Variants in CCDC30 observed in about 807,000 individuals in gnomAD.
CCDC30 encodes coiled-coil domain containing 30.
A neutral mutation model predicts 100.2 loss-of-function variants in CCDC30; 70 were observed. The ratio of observed to expected loss-of-function variants is 0.70; its 90% CI spans 0.58 to 0.85. The LOEUF (loss-of-function observed/expected upper bound fraction) is 0.85, where lower values mean the gene tolerates loss of function less well. Among genes scored for constraint, CCDC30 ranks in the 40% least tolerant of loss-of-function variants. The pLI, the probability that CCDC30 is intolerant of heterozygous loss-of-function variation, is 0.00. For missense variants in CCDC30, 652 were observed against 771.2 expected, an observed-to-expected ratio of 0.85 and a Z score of 1.83; for synonymous variants, 233 against 269.5, an observed-to-expected ratio of 0.86 and a Z score of 1.33.
intron 4 of CCDC30, chr1:42,492,275 C>A: frequency 5.0e-6 from 1 of 199,870 alleles, no homozygotes. Flanking sequence ...AAGAAGTGGT[C>A]AATAAATTGA....
At chr1:42,592,024 A>G (rs527988736) in intron 10 of CCDC30, 1 of 152,292 alleles carries the variant, frequency 6.6e-6, no homozygotes, top group East Asian at 1.9e-4. Context: ...TGGAATTGTG[A>G]TGTTTACCTA....
intron 1 of CCDC30, among the ~76,000 whole-genome samples, chr1:42,478,781 A>G (rs1342957587): frequency 1.3e-5 from 2 of 152,026 alleles, no homozygotes; most frequent in African/African-American, 2.4e-5. Flanking sequence ...AAAACAAAAC[A>G]AAAACCAAAC....
intron 6 of CCDC30, among the ~76,000 whole-genome samples, chr1:42,506,291 C>T (rs1226277891): frequency 6.6e-6 from 1 of 152,194 alleles, no homozygotes. Context: ...CTCATGAATC[C>T]TGTGTGTTTT....
rs1488265408 is a variant in CCDC30, at chr1:42,594,642, T to C, written c.1164+5159T>C. On this transcript the variant is annotated intron_variant, in intron 10 of 16. Coordinates refer to ENST00000668663, the Ensembl canonical transcript of CCDC30. ...AAGTTCAAGGCTCAGTATGCTATGA[T>C]TGCATATGTGAATAGCCCCTGTATT... 2.6e-5 allele frequency: 4 copies of C among 152,230 alleles called. No individual in the cohort carries two copies. In the East Asian group the frequency reaches 7.7e-4, roughly 29 times the overall value. 9.4% of individuals were successfully genotyped at this position (152,230 alleles called of 1,614,324 possible). A position where few individuals can be genotyped will look rare whatever the true frequency, so the allele number is the denominator to read the frequency against.
At chr1:42,609,147 A>G (rs1306359129) in intron 10 of CCDC30, among the ~76,000 whole-genome samples, 1 of 151,954 alleles carries the variant, frequency 6.6e-6, no homozygotes, top group Non-Finnish European at 1.5e-5. Flanking sequence ...CAGCTCTGCC[A>G]CCCCTGAGAT....
intron 6 of CCDC30, among the ~76,000 whole-genome samples, chr1:42,502,174 G>A (rs757447642): frequency 7.4e-4 from 112 of 152,080 alleles, no homozygotes; most frequent in Non-Finnish European, 1.4e-3. Context: ...CCCTCCCCAA[G>A]CCTCACTGCT....
chr1:42,545,258 T>C (rs1645105665), intron 6 of CCDC30, 152 bp from the exon 9 acceptor site: 1 of 539,314 alleles, frequency 1.9e-6, no homozygotes, highest in African/African-American at 2.0e-5. Context: ...CTGCAAAGTA[T>C]TAAATTAAGT....
chr1:42,601,864 C>T (rs1006832251), intron 10 of CCDC30, among the ~76,000 whole-genome samples: 4 of 152,054 alleles, frequency 2.6e-5, no homozygotes, highest in East Asian at 1.9e-4. Flanking sequence ...AACAAGATGG[C>T]GATGTGTGAG....
At chr1:42,570,236 G>A (rs1307901007) in intron 7 of CCDC30, among the ~76,000 whole-genome samples, 1 of 151,966 alleles carries the variant, frequency 6.6e-6, no homozygotes, top group African/African-American at 2.4e-5. Flanking sequence ...CAAGGCAGGA[G>A]GATTGCTTGA....
chr1:42,510,895 G>A (rs2148491146), intron 6 of CCDC30, among the ~76,000 whole-genome samples: 1 of 152,058 alleles, frequency 6.6e-6, no homozygotes, highest in East Asian at 1.9e-4. Flanking sequence ...TGCAACTCTT[G>A]TGAAGATCTA....
At chr1:42,547,169 G>A (rs1308384745) in intron 6 of CCDC30, among the ~76,000 whole-genome samples, 2 of 152,140 alleles carry the variant, frequency 1.3e-5, no homozygotes, top group Non-Finnish European at 2.9e-5. Context: ...TGGGGAAGGG[G>A]TATGATAATG....
At chr1:42,538,529 G>A (rs1470668800) in intron 6 of CCDC30, among the ~76,000 whole-genome samples, 1 of 152,016 alleles carries the variant, frequency 6.6e-6, no homozygotes, top group Admixed American at 6.6e-5. Flanking sequence ...CAGGAGTTGA[G>A]GACTATAGTT....
chr1:42,502,922 G>T lies in CCDC30; in HGVS notation c.456+4006G>T, dbSNP rs1486016084. Among the ~76,000 whole-genome samples, 4 of 152,060 alleles carry T rather than the reference G, an allele frequency of 2.6e-5. No individual in the cohort carries two copies. The East Asian group carries it at 7.7e-4, about 29-fold the overall frequency. On this transcript the variant is annotated intron_variant, in intron 6 of 16. Coordinates refer to ENST00000668663, the Ensembl canonical transcript of CCDC30. Reference sequence around the variant, plus strand: ...GTATGGATTTTCTTTTTGAGACAGGGTCTCACTCTGTCACCCAGGCTGGAG... The same window carrying T: ...GTATGGATTTTCTTTTTGAGACAGGTTCTCACTCTGTCACCCAGGCTGGAG...
At chr1:42,556,341 A>T (rs760040293) in intron 6 of CCDC30, 6 of 1,614,052 alleles carry the variant, frequency 3.7e-6, no homozygotes, top group Non-Finnish European at 5.1e-6. Context: ...GAGCTGAGCC[A>T]TATAAATCAG....
At chr1:42,627,732 C>T (rs1646959641) in intron 11 of CCDC30, among the ~76,000 whole-genome samples, 1 of 152,226 alleles carries the variant, frequency 6.6e-6, no homozygotes, top group Non-Finnish European at 1.5e-5. Context: ...GCTTTGACAG[C>T]TTCCATGTGG....
At chr1:42,524,849 G>T (rs1644701005) in intron 6 of CCDC30, among the ~76,000 whole-genome samples, 1 of 152,198 alleles carries the variant, frequency 6.6e-6, no homozygotes, top group African/African-American at 2.4e-5. Flanking sequence ...GATGCCACCA[G>T]CAGGATTATT....
intron 11 of CCDC30, among the ~76,000 whole-genome samples, chr1:42,614,651 G>T (rs189862595): frequency 6.6e-6 from 1 of 151,966 alleles, no homozygotes; most frequent in African/African-American, 2.4e-5. Context: ...GCTAGGCATG[G>T]TGGTGCACAT....
intron 6 of CCDC30, among the ~76,000 whole-genome samples, chr1:42,499,122 A>G (rs1430026220): frequency 6.6e-6 from 1 of 152,210 alleles, no homozygotes; most frequent in Non-Finnish European, 1.5e-5. Context: ...GAGAACAATT[A>G]ATTTGGAGAA....
At chr1:42,465,427 C>T (rs550226247) in intron 1 of CCDC30, among the ~76,000 whole-genome samples, 15 of 152,252 alleles carry the variant, frequency 9.9e-5, no homozygotes, top group Non-Finnish European at 1.6e-4. Context: ...TGCAATGGCG[C>T]GATCTTGGCC....
Sources: gnomAD v4.1 joint callset for allele counts (sites outside exome capture counted in the v4.1 genomes callset) on GRCh38, gnomAD v4.1.1 for gene constraint, MANE v1.5 for transcripts, NCBI Gene and HGNC (gene_info 2026-07-23, HGNC 2026-07-21) for gene names.